GUCY1A2: variants seen among roughly 807,000 people sequenced by gnomAD.
GUCY1A2 encodes the protein guanylate cyclase 1 soluble subunit alpha 2, also known as guanylate cyclase soluble subunit alpha-2.
GUCY1A2 carries 27 observed loss-of-function variants against 63.5 expected under a neutral mutation model. That is an observed-to-expected ratio of 0.43 (90% CI 0.31 to 0.59). The LOEUF is 0.59. Among genes scored for constraint, GUCY1A2 ranks in the 20% least tolerant of loss-of-function variants. The probability of loss-of-function intolerance (pLI) is 0.11; values close to 1 mark genes in which losing one functional copy is unlikely to be tolerated. For missense variants in GUCY1A2, 768 were observed against 913.3 expected (o/e 0.84, Z 2.05); for synonymous variants, 364 against 343.5 (o/e 1.06, Z -0.66).
chr11:106,700,566 T>A (rs1396945216), intron 7 of GUCY1A2, among the ~76,000 whole-genome samples: 3 of 152,160 alleles, frequency 2.0e-5, no homozygotes, highest in African/African-American at 7.2e-5. Context: ...AAAATAGAAA[T>A]GTAATTCTTG....
At position 106,687,651 on chromosome 11, in the gene GUCY1A2, T is replaced by C. The variant is rs142435699; in HGVS notation, c.2097A>G (p.Val699=). 24 of 1,613,604 alleles carry C rather than the reference T, an allele frequency of 1.5e-5. No individual in the cohort carries two copies. The highest frequency in any genetic ancestry group is 2.2e-5 in the East Asian group (1 of 44,886). ...EIPGICYFLE[V]RTGPKPPKPS... Reference sequence around the variant, plus strand: ...GCTTTGGTGGCTTTGGACCAGTCCTTACCTCCAGGAAATAGCAGATCCCAG... The same window carrying C: ...GCTTTGGTGGCTTTGGACCAGTCCTCACCTCCAGGAAATAGCAGATCCCAG... Residue 699 remains valine, a synonymous_variant, in exon 8 of 8, where the codon GTA becomes GTG. Coordinates refer to ENST00000526355, the MANE Select transcript of GUCY1A2 (RefSeq NM_000855.3).
At chr11:106,990,602 C>T (rs1219990768) in intron 1 of GUCY1A2, among the ~76,000 whole-genome samples, 1 of 151,258 alleles carries the variant, frequency 6.6e-6, no homozygotes, top group Non-Finnish European at 1.5e-5. Context: ...TGTGTGTGTG[C>T]GCGCACGCGC....
intron 6 of GUCY1A2, among the ~76,000 whole-genome samples, chr11:106,727,966 C>A (rs950542858): frequency 4.6e-5 from 7 of 152,162 alleles, no homozygotes; most frequent in Admixed American, 4.6e-4. Flanking sequence ...ATTAGAATCT[C>A]CCAATGGCTC....
intron 7 of GUCY1A2, among the ~76,000 whole-genome samples, chr11:106,701,637 G>C (rs899974607): frequency 4.6e-5 from 7 of 152,234 alleles, no homozygotes; most frequent in African/African-American, 1.7e-4. Flanking sequence ...GGGTAAGGGG[G>C]AGGAGACAAT....
chr11:106,936,683 C>A (rs1049862212), intron 4 of GUCY1A2: 2 of 1,531,410 alleles, frequency 1.3e-6, no homozygotes, highest in Non-Finnish European at 1.7e-6. Context: ...CTGATAACTG[C>A]GTCAGATGCC....
intron 4 of GUCY1A2, 76 bp from the exon 5 acceptor site, chr11:106,810,554 A>C: frequency 8.1e-7 from 1 of 1,227,304 alleles, no homozygotes; most frequent in Non-Finnish European, 1.1e-6. Context: ...TTATCTGATG[A>C]ATAGAAAGAA....
chr11:106,808,883 A>C, intron 5 of GUCY1A2, among the ~76,000 whole-genome samples: 1 of 152,180 alleles, frequency 6.6e-6, no homozygotes, highest in East Asian at 1.9e-4. Context: ...ATACCAATAA[A>C]TTATAAGGGA....
intron 5 of GUCY1A2, among the ~76,000 whole-genome samples, chr11:106,778,771 T>G (rs940620840): frequency 6.6e-6 from 1 of 152,176 alleles, no homozygotes; most frequent in East Asian, 1.9e-4. Context: ...TATTGAATAT[T>G]TGCTAAATGA....
chr11:106,969,601 T>G (rs1861169141), intron 3 of GUCY1A2, among the ~76,000 whole-genome samples: 1 of 152,154 alleles, frequency 6.6e-6, no homozygotes, highest in African/African-American at 2.4e-5. Context: ...AAAGCAAATG[T>G]GACAAGTCAC....
At chr11:106,736,240 T>C (rs1174875454) in intron 6 of GUCY1A2, among the ~76,000 whole-genome samples, 2 of 152,142 alleles carry the variant, frequency 1.3e-5, no homozygotes, top group Non-Finnish European at 1.5e-5. Context: ...CTACAATGGT[T>C]CCTTTTAGTA....
intron 6 of GUCY1A2, among the ~76,000 whole-genome samples, chr11:106,767,561 T>C (rs772875491): frequency 1.3e-5 from 2 of 152,136 alleles, no homozygotes; most frequent in Non-Finnish European, 2.9e-5. Flanking sequence ...TCTGTGATTA[T>C]ATAAAATTGG....
chr11:106,761,197 A>G (rs923034506), intron 6 of GUCY1A2, among the ~76,000 whole-genome samples: 1 of 152,252 alleles, frequency 6.6e-6, no homozygotes, highest in African/African-American at 2.4e-5. Context: ...AGATAACTTA[A>G]GTATAATCAA....
chr11:106,750,610 TACTATAAATGAAATGAATTCAGC>T (rs1331631744), intron 6 of GUCY1A2, among the ~76,000 whole-genome samples: 1 of 152,024 alleles, frequency 6.6e-6, no homozygotes, highest in Non-Finnish European at 1.5e-5. Context: ...AAAATGACAC[TACTATAAATGAAATGAATTCAGC>T]ACTATAAATG....
intron 4 of GUCY1A2, among the ~76,000 whole-genome samples, chr11:106,831,818 G>A (rs565346371): frequency 6.6e-6 from 1 of 152,150 alleles, no homozygotes; most frequent in Non-Finnish European, 1.5e-5. Flanking sequence ...ATAGCAGCTA[G>A]CAATACTTAC....
At chr11:107,016,456 C>T (rs1386865658) in intron 1 of GUCY1A2, among the ~76,000 whole-genome samples, 1 of 152,242 alleles carries the variant, frequency 6.6e-6, no homozygotes, top group Non-Finnish European at 1.5e-5. Flanking sequence ...AGGTAAAAGC[C>T]AAGGGTAGCT....
intron 1 of GUCY1A2, 48 bp downstream of exon 1, chr11:107,017,705 C>T: frequency 8.5e-7 from 1 of 1,171,530 alleles, no homozygotes; most frequent in South Asian, 1.9e-5. Flanking sequence ...CTTTACAGAT[C>T]CGCGTTCTCT....
intron 4 of GUCY1A2, among the ~76,000 whole-genome samples, chr11:106,910,758 C>T (rs1031213104): frequency 6.6e-6 from 1 of 152,042 alleles, no homozygotes; most frequent in African/African-American, 2.4e-5. Context: ...CTTACAGACC[C>T]CCATCATCCC....
At chr11:106,802,072 A>G (rs1295167882) in intron 5 of GUCY1A2, among the ~76,000 whole-genome samples, 1 of 152,202 alleles carries the variant, frequency 6.6e-6, no homozygotes, top group Non-Finnish European at 1.5e-5. Context: ...AAGTATTTAC[A>G]GCATTTCTAC....
intron 4 of GUCY1A2, among the ~76,000 whole-genome samples, chr11:106,883,591 T>C (rs1859856790): frequency 6.6e-6 from 1 of 152,160 alleles, no homozygotes; most frequent in Admixed American, 6.6e-5. Context: ...AAGGCTTCTC[T>C]GAACAAATGA....
Sources: gnomAD v4.1 joint callset for allele counts (sites outside exome capture counted in the v4.1 genomes callset) on GRCh38, gnomAD v4.1.1 for gene constraint, MANE v1.5 for transcripts, NCBI Gene and HGNC (gene_info 2026-07-23, HGNC 2026-07-21) for gene names.